The following SATL1 variants were observed in gnomAD, a reference collection of about 807,000 sequenced individuals.
SATL1 encodes the protein spermidine/spermine N(1)-acetyltransferase-like protein 1.
A neutral mutation model predicts 51.8 loss-of-function variants in SATL1; 47 were observed. The ratio of observed to expected loss-of-function variants is 0.91; its 90% confidence interval spans 0.72 to 1.16. SATL1 has a LOEUF of 1.16. Among genes scored for constraint, SATL1 ranks in the 50% most tolerant of loss-of-function variants. SATL1 has a pLI of 0.00. For synonymous variants in SATL1, 176 were observed against 182.4 expected, an observed-to-expected ratio of 0.97 and a Z score of 0.28; for missense variants, 520 against 526.4, an observed-to-expected ratio of 0.99 and a Z score of 0.12.
intron 2 of SATL1, among the ~76,000 whole-genome samples, chrX:85,216,271 C>T (rs1019366689): frequency 9.0e-6 from 1 of 111,013 alleles, no homozygotes; most frequent in Non-Finnish European, 1.9e-5. Context: ...CCAAACACTT[C>T]CCACTAGGCC....
intron 2 of SATL1, among the ~76,000 whole-genome samples, chrX:85,158,462 C>T (rs1569239180): frequency 8.9e-6 from 1 of 111,833 alleles, no homozygotes; most frequent in Non-Finnish European, 1.9e-5. Flanking sequence ...GAAAAGAATT[C>T]ACTGTTGCCT....
chrX:85,152,481 G>A (rs968050732), intron 2 of SATL1, among the ~76,000 whole-genome samples: 1 of 111,644 alleles, frequency 9.0e-6, no homozygotes, highest in Non-Finnish European at 1.9e-5. Context: ...ATACCCAAAG[G>A]ACTATAAATC....
At chrX:85,207,718 C>G (rs995550806) in intron 2 of SATL1, 2 of 111,259 alleles carry the variant, frequency 1.8e-5, no homozygotes, top group Non-Finnish European at 3.8e-5. Context: ...TGTGCCTATA[C>G]AATACTCAAA....
At chrX:85,171,785 T>A (rs1357569366) in intron 2 of SATL1, among the ~76,000 whole-genome samples, 1 of 111,754 alleles carries the variant, frequency 8.9e-6, no homozygotes, top group Non-Finnish European at 1.9e-5. Context: ...CCCTTGTAAG[T>A]ATTTCTGCAT....
intron 3 of SATL1, among the ~76,000 whole-genome samples, chrX:85,105,066 T>G (rs910105394): frequency 2.7e-5 from 3 of 111,606 alleles, no homozygotes; most frequent in African/African-American, 9.8e-5. Context: ...TCTCCCCTCA[T>G]TACTCTTCTT....
intron 2 of SATL1, among the ~76,000 whole-genome samples, chrX:85,215,241 C>T (rs1928016880): frequency 9.0e-6 from 1 of 111,596 alleles, no homozygotes. Context: ...TGAGACAGCA[C>T]AGGACAGCAG....
chrX:85,159,453 A>G (rs746931717), intron 2 of SATL1, among the ~76,000 whole-genome samples: 2 of 110,327 alleles, frequency 1.8e-5, no homozygotes, highest in Admixed American at 9.7e-5. Flanking sequence ...TCCTTATGAG[A>G]ATCTAATGCC....
chrX:85,103,968 A>G (rs776706770), intron 3 of SATL1, 53 bp from the exon 4 acceptor site: 1 of 884,826 alleles, frequency 1.1e-6, no homozygotes, highest in Non-Finnish European at 1.6e-6. Flanking sequence ...AATTATTAAG[A>G]TGATAATCAT....
At chrX:85,132,803 G>A (rs761156711) in intron 2 of SATL1, among the ~76,000 whole-genome samples, 27 of 111,845 alleles carry the variant, frequency 2.4e-4, no homozygotes, top group Non-Finnish European at 3.6e-4. Context: ...CTATGTTTGC[G>A]CTTTGATGAT....
chrX:85,129,660 CT>C lies in SATL1; in HGVS notation c.-312-20381del, dbSNP rs746146520. 7.2e-5 allele frequency among the ~76,000 whole-genome samples: 8 copies of C among 111,558 alleles called. No homozygotes were observed. The East Asian group carries it at 8.4e-4, about 12-fold the overall frequency. ...TATTTCTTTCTCTTGCCTGATTGCC[CT>C]GGCCAGAACTTCCAACACTGTGTTG... is the stretch of plus-strand genomic sequence containing the variant. On this transcript the variant is annotated intron_variant, in intron 2 of 7. Transcript: ENST00000644105.
Position 85,107,729 on chromosome X carries a change from G to A in SATL1, c.1240C>T (p.Pro414Ser). 4.1e-6 allele frequency: 5 copies of A among 1,211,964 alleles called. No individual in the cohort carries two copies. Among genetic ancestry groups the A allele is most frequent in the Non-Finnish European group, 4.5e-6 (4 of 895,468 alleles). ...CTCAGGCCTGTTTGCCATGTGCCTGGTTGGCTCATGCCTATTTGGCTTGTG... is the reference window on the plus strand; with the variant it reads ...CTCAGGCCTGTTTGCCATGTGCCTGATTGGCTCATGCCTATTTGGCTTGTG... ...SGTSQIGMSQ[P>S]GTWQTGLSQP... Residue 414 changes from proline (P) to serine (S), a missense_variant, in exon 3 of 8, where the codon CCA (proline) becomes TCA (serine). Physicochemically the swap from Pro to Ser is moderately conservative, Grantham distance 74. Transcript: ENST00000644105.
intron 2 of SATL1, among the ~76,000 whole-genome samples, chrX:85,213,092 C>A (rs1332825169): frequency 9.0e-6 from 1 of 110,885 alleles, no homozygotes; most frequent in East Asian, 2.8e-4. Context: ...ATTAACATAC[C>A]TATATATAAG....
At chrX:85,227,145 G>A (rs184716896) in intron 1 of SATL1, among the ~76,000 whole-genome samples, 48 of 111,300 alleles carry the variant, frequency 4.3e-4, no homozygotes, top group East Asian at 2.8e-3. Flanking sequence ...TCTTGACCAC[G>A]AACCTCATCT....
At chrX:85,173,602 T>G (rs777136582) in intron 2 of SATL1, among the ~76,000 whole-genome samples, 45 of 110,489 alleles carry the variant, frequency 4.1e-4, no homozygotes, top group African/African-American at 1.4e-3. Context: ...GTTTTTCCCC[T>G]TCTACCCATA....
At chrX:85,094,371 A>G in intron 5 of SATL1, 142 bp from the exon 6 acceptor site, 3 of 435,989 alleles carry the variant, frequency 6.9e-6, no homozygotes, top group Admixed American at 7.7e-5. Flanking sequence ...ACAAAAACAT[A>G]TAGTGTAGAG....
chrX:85,147,849 T>C (rs1926300620), intron 2 of SATL1, among the ~76,000 whole-genome samples: 1 of 110,629 alleles, frequency 9.0e-6, no homozygotes, highest in Non-Finnish European at 1.9e-5. Context: ...AGACCAAAAG[T>C]AGATTAAAAC....
intron 2 of SATL1, among the ~76,000 whole-genome samples, chrX:85,113,480 G>A (rs897607950): frequency 1.8e-5 from 2 of 111,238 alleles, no homozygotes; most frequent in African/African-American, 6.5e-5. Flanking sequence ...GAGCTGCAGG[G>A]AGAGATCACT....
intron 1 of SATL1, among the ~76,000 whole-genome samples, chrX:85,234,692 C>T (rs1250480829): frequency 9.6e-6 from 1 of 103,697 alleles, no homozygotes; most frequent in Non-Finnish European, 2.0e-5. Context: ...AACCTCAAAT[C>T]AAAAAACAAC....
chrX:85,213,325 G>T (rs1927968477), intron 2 of SATL1, among the ~76,000 whole-genome samples: 2 of 111,901 alleles, frequency 1.8e-5, no homozygotes, highest in African/African-American at 6.5e-5. Context: ...TTGAACACTA[G>T]CTAATTACTG....
Sources: allele counts gnomAD v4.1 joint callset (sites outside exome capture counted in the v4.1 genomes callset), GRCh38; gene constraint gnomAD v4.1.1; transcripts MANE v1.5; gene names NCBI Gene and HGNC (gene_info 2026-07-23, HGNC 2026-07-21).